Variants in BCCIP observed in about 807,000 individuals in gnomAD.
BCCIP encodes BRCA2 and CDKN1A-interacting protein.
In BCCIP, 23 loss-of-function variants were observed where a neutral mutation model predicts 32.8. That is an observed-to-expected ratio of 0.70 (90% CI 0.51 to 0.99). The LOEUF is 0.99. BCCIP is among the 50% of genes least tolerant of loss of function. The pLI is 0.00. For missense variants in BCCIP, 378 were observed against 379.8 expected (o/e 1.00, Z 0.04); for synonymous variants, 144 against 137.6 (o/e 1.05, Z -0.33).
At chr10:125,838,973 A>G (rs763764979), downstream of BCCIP, 10 of 1,603,466 alleles carry the variant, frequency 6.2e-6, no homozygotes, top group South Asian at 7.8e-5. Context: ...AGCAGAGCCT[A>G]TGCTGAGGTG....
At chr10:125,846,635 C>T (rs1472961294), downstream of BCCIP, among the ~76,000 whole-genome samples, 6 of 152,168 alleles carry the variant, frequency 3.9e-5, no homozygotes, top group Admixed American at 3.9e-4. Context: ...ACTGGAAATG[C>T]ACTTTTACCT....
chr10:125,840,586 C>G (rs1160247261), downstream of BCCIP, among the ~76,000 whole-genome samples: 1 of 152,218 alleles, frequency 6.6e-6, no homozygotes, highest in African/African-American at 2.4e-5. Flanking sequence ...CAAGCTTGCT[C>G]TGAAGGCTGG....
intron 2 of BCCIP, among the ~76,000 whole-genome samples, 170 bp from the exon 3 acceptor site, chr10:125,827,388 A>C (rs1053708170): frequency 1.3e-5 from 2 of 151,304 alleles, no homozygotes; most frequent in Admixed American, 1.3e-4. Flanking sequence ...AAATTTCCTA[A>C]TCTTTAGCTT....
intron 3 of BCCIP, among the ~76,000 whole-genome samples, chr10:125,829,063 A>C (rs1199481083): frequency 6.6e-6 from 1 of 152,164 alleles, no homozygotes; most frequent in Non-Finnish European, 1.5e-5. Flanking sequence ...AGAAATTTCT[A>C]TCTAGGGGGA....
chr10:125,836,071 G>A lies in BCCIP; in HGVS notation c.775-33G>A, dbSNP rs146807098. ...ATGGGTTTTGTCTTTGGGTTGTCCC[G>A]ATTTTTAATTCATGGTTACTTATTT... On this transcript the variant is annotated intron_variant, in intron 6 of 6. Transcript: ENST00000278100. 1.3e-5 allele frequency: 20 copies of A among 1,575,186 alleles called. No homozygotes were observed. In the Middle Eastern group the frequency reaches 1.7e-3, roughly 132 times the overall value.
At chr10:125,839,940 C>T (rs1278667839), downstream of BCCIP, among the ~76,000 whole-genome samples, 1 of 152,222 alleles carries the variant, frequency 6.6e-6, no homozygotes, top group Admixed American at 6.5e-5. Context: ...AAGGTGCCAC[C>T]AGATTCCTGT....
downstream of BCCIP, chr10:125,838,892 T>G (rs1451658123): frequency 2.4e-6 from 3 of 1,245,368 alleles, no homozygotes; most frequent in Admixed American, 7.1e-5. Flanking sequence ...ACATGGATTT[T>G]TAGTTTTACT....
At chr10:125,851,752 C>A (rs11244672) in intron 7 of BCCIP, among the ~76,000 whole-genome samples, 19,278 of 151,868 alleles carry the variant, frequency 0.13, 1,722 homozygotes, top group Admixed American at 0.3. Context: ...AAGAAATCTA[C>A]ATCTACAAAG....
In BCCIP at chr10:125,826,212, C is replaced by T. The variant is rs1444039582; in HGVS notation, c.166-379C>T. ...ACCTTTTCATCTTGAGTGCCTGGCA[C>T]AGTGCTTGGTACCTGGATTGATACT... On this transcript the variant is annotated intron_variant, in intron 1 of 6. Coordinates refer to ENST00000278100, the MANE Select transcript of BCCIP (RefSeq NM_078468.3). The T allele has an allele frequency of 1.4e-5, 3 of 219,426 alleles. No homozygotes were observed. In the South Asian group the frequency reaches 2.0e-4, roughly 14 times the overall value. 13.6% of individuals were successfully genotyped at this position (219,426 alleles called of 1,614,324 possible).
chr10:125,840,832 T>G (rs771683744), downstream of BCCIP: 2 of 1,560,702 alleles, frequency 1.3e-6, no homozygotes, highest in South Asian at 2.4e-5. Flanking sequence ...AGGTAGTTTC[T>G]GAGCATTCAC....
chr10:125,840,814 G>A (rs775006671), downstream of BCCIP: 4 of 1,537,424 alleles, frequency 2.6e-6, no homozygotes, highest in Non-Finnish European at 2.6e-6. Context: ...AAGGAAGGTG[G>A]AATTAATAGG....
intron 3 of BCCIP, among the ~76,000 whole-genome samples, chr10:125,829,428 T>C (rs1854474601): frequency 6.6e-6 from 1 of 152,242 alleles, no homozygotes; most frequent in Non-Finnish European, 1.5e-5. Flanking sequence ...TGTTCCACTC[T>C]TAAGTACATC....
intron 3 of BCCIP, among the ~76,000 whole-genome samples, chr10:125,829,226 A>G (rs1854471650): frequency 6.6e-6 from 1 of 152,230 alleles, no homozygotes; most frequent in East Asian, 1.9e-4. Context: ...GAAAATGAGG[A>G]TGGTACTAGC....
At chr10:125,852,154 G>T in intron 7 of BCCIP, 1 of 1,064,068 alleles carries the variant, frequency 9.4e-7, no homozygotes, top group Non-Finnish European at 1.3e-6. Context: ...ACCTCTAGCA[G>T]GAAAATGCTT....
downstream of BCCIP, chr10:125,841,029 T>C: frequency 1.3e-6 from 2 of 1,579,850 alleles, no homozygotes; most frequent in Non-Finnish European, 1.7e-6. Flanking sequence ...TGGTTAGCAA[T>C]AATGAAGACA....
At position 125,823,738 on chromosome 10, in the gene BCCIP, TC is replaced by T; in HGVS notation, c.165+20del. On this transcript the variant is annotated intron_variant, in intron 1 of 6. Transcript: ENST00000278100. Reference sequence around the variant, plus strand: ...CATTGACGAGGTGAGAAGGACACGCTCCCCTAGTTGGTTTATACCTGAGAAA... The same window carrying T: ...CATTGACGAGGTGAGAAGGACACGCTCCCTAGTTGGTTTATACCTGAGAAA... The T allele has an allele frequency of 6.2e-7, 1 of 1,613,750 alleles. No individual in the cohort carries two copies. The highest frequency in any genetic ancestry group is 8.5e-7 in the Non-Finnish European group (1 of 1,179,792).
rs571994949 is a variant in BCCIP at position 125,832,993 on chromosome 10, A to T, written c.600-779A>T. On this transcript the variant is annotated intron_variant, in intron 5 of 6. Coordinates refer to ENST00000278100, the MANE Select transcript of BCCIP (RefSeq NM_078468.3). ...AAAAATTAGCCGGGTATGGTGGTGC[A>T]GACCTGTAATCCCAGCTACTCAGGA... 2.8e-4 allele frequency among the ~76,000 whole-genome samples: 43 copies of T among 152,030 alleles called. No individual in the cohort carries two copies. In the South Asian group the frequency reaches 7.5e-3, roughly 26 times the overall value.
At chr10:125,833,408 A>C (rs1854573132) in intron 5 of BCCIP, among the ~76,000 whole-genome samples, 1 of 152,210 alleles carries the variant, frequency 6.6e-6, no homozygotes, top group African/African-American at 2.4e-5. Flanking sequence ...TGTGTGTTTC[A>C]GTTAAATGTT....
At position 125,830,598 on chromosome 10, in the gene BCCIP, G is replaced by A. The variant is rs1328608999; in HGVS notation, c.358G>A (p.Asp120Asn). Residue 120 changes from aspartate to asparagine, a missense_variant, in exon 4 of 7, where the codon GAT becomes AAT. Coordinates refer to ENST00000278100, the MANE Select transcript of BCCIP (RefSeq NM_078468.3). ...DVSEDSNDDM[D>N]EDEVFGFISL... ...TTCAGAAGACAGCAATGATGATATG[G>A]ATGAAGATGAGGTTTTTGGTTTCAT... 1.2e-5 allele frequency: 19 copies of A among 1,608,540 alleles called. No homozygotes were observed. Among genetic ancestry groups the A allele is most frequent in the Non-Finnish European group, 1.5e-5 (18 of 1,177,428 alleles).
Sources: allele counts gnomAD v4.1 joint callset (sites outside exome capture counted in the v4.1 genomes callset), GRCh38; gene constraint gnomAD v4.1.1; transcripts MANE v1.5; gene names NCBI Gene and HGNC (gene_info 2026-07-23, HGNC 2026-07-21).